The following EVC variants were observed in gnomAD, a reference collection of about 807,000 sequenced individuals.
EVC encodes EvC ciliary complex subunit 1.
Under a neutral mutation model 118.9 loss-of-function variants are expected in EVC, and 116 were observed. That is an observed-to-expected ratio of 0.98 (90% CI 0.84 to 1.14). The LOEUF (loss-of-function observed/expected upper bound fraction) is 1.14. EVC is among the 50% of genes most tolerant of loss of function. The probability of loss-of-function intolerance (pLI) is 0.00; values close to 1 mark genes in which losing one functional copy is unlikely to be tolerated. For synonymous variants in EVC, 619 were observed against 534.7 expected (o/e 1.16, Z -2.18); for missense variants, 1,401 against 1,246.4 (o/e 1.12, Z -1.87).
rs887260071 is a variant in EVC, at chr4:5,711,265, C to G, written c.-116C>G. The G allele has an allele frequency of 6.0e-6, 4 of 667,396 alleles. No individual in the cohort carries two copies. The highest frequency in any genetic ancestry group is 1.5e-3 in the Middle Eastern group (2 of 1,366). 41.3% of individuals were successfully genotyped at this position (667,396 alleles called of 1,614,324 possible). A position where few individuals can be genotyped will look rare whatever the true frequency, so the allele number is the denominator to read the frequency against. On this transcript the variant is annotated 5_prime_UTR_variant, in exon 1 of 21. Coordinates refer to ENST00000264956, the MANE Select transcript of EVC (RefSeq NM_153717.3). ...CGGGAGACTGCACAGGCCAGAAAGTCTGCGGAGCGGGCCGCGCCCCTGGCC... is the reference window on the plus strand; with the variant it reads ...CGGGAGACTGCACAGGCCAGAAAGTGTGCGGAGCGGGCCGCGCCCCTGGCC...
At chr4:5,775,602 T>A (rs780026984) in intron 11 of EVC, among the ~76,000 whole-genome samples, 3 of 152,206 alleles carry the variant, frequency 2.0e-5, no homozygotes, top group Non-Finnish European at 4.4e-5. Context: ...TCCGTGTGGT[T>A]GTATGTTGTA....
intron 13 of EVC, among the ~76,000 whole-genome samples, chr4:5,796,345 A>G (rs946550094): frequency 6.6e-6 from 1 of 152,046 alleles, no homozygotes; most frequent in Non-Finnish European, 1.5e-5. Context: ...TTATTGGATG[A>G]TGACCACTAA....
At chr4:5,801,821 T>C (rs766316765) in intron 15 of EVC, 129 bp from the exon 16 acceptor site, 68 of 1,031,976 alleles carry the variant, frequency 6.6e-5, no homozygotes, top group Non-Finnish European at 9.5e-5. Flanking sequence ...GCCTGCTTCC[T>C]GACCAATCCA....
chr4:5,753,845 C>G lies in EVC; in HGVS notation c.1376C>G (p.Thr459Arg), dbSNP rs146028983. 2 of 1,614,086 alleles carry G rather than the reference C, an allele frequency of 1.2e-6. No individual in the cohort carries two copies. Among genetic ancestry groups the G allele is most frequent in the South Asian group, 2.2e-5 (2 of 91,070 alleles). ...TCTCTGGCTCACCAGGTGGAGGGAA[C>G]GGCAAAACTCACGCTGGCCCAAGAG... ...TASLAHQVEG[T>R]AKLTLAQEEE... The change falls in exon 10 of 21, where the codon ACG becomes AGG. Residue 459 changes from threonine to arginine, a missense_variant. By Grantham distance (71) the Thr-to-Arg change is moderately conservative. Transcript: ENST00000264956.
chr4:5,761,781 A>G (rs1011753642), intron 11 of EVC, among the ~76,000 whole-genome samples: 6 of 151,838 alleles, frequency 4.0e-5, no homozygotes, highest in Non-Finnish European at 5.9e-5. Context: ...GGGAAGGGGT[A>G]CAATGAGTTG....
At chr4:5,775,293 A>T (rs1038558188) in intron 11 of EVC, among the ~76,000 whole-genome samples, 1 of 152,156 alleles carries the variant, frequency 6.6e-6, no homozygotes, top group Non-Finnish European at 1.5e-5. Context: ...TTACAAATTA[A>T]CAAATGATTA....
the EVC span, among the ~76,000 whole-genome samples, chr4:5,822,753 T>TGTAA: frequency 2.0e-5 from 3 of 152,204 alleles, no homozygotes; most frequent in African/African-American, 4.8e-5. Flanking sequence ...GCAAATAAGC[T>TGTAA]GTAAGTCTGC....
In EVC at chr4:5,741,783, T is replaced by C. The variant is rs750565190; in HGVS notation, c.770T>C (p.Leu257Pro). The change falls in exon 6 of 21, where the codon CTA becomes CCA. Residue 257 changes from leucine to proline, a missense_variant. Physicochemically the swap from Leu to Pro is moderately conservative, Grantham distance 98 (BLOSUM62 -3). Transcript: ENST00000264956. The part of the protein sequence containing the change: ...LLPKKKSDDE[L>P]YQKILSKQEK... ...CCTAAAAAGAAGTCAGATGATGAACTATACCAGAAGATCCTTTCAAAACAA... is the reference window on the plus strand; with the variant it reads ...CCTAAAAAGAAGTCAGATGATGAACCATACCAGAAGATCCTTTCAAAACAA... The C allele has an allele frequency of 6.5e-7, 1 of 1,547,814 alleles. No homozygotes were observed. The highest frequency in any genetic ancestry group is 8.9e-7 in the Non-Finnish European group (1 of 1,121,122).
At position 5,793,615 on chromosome 4, in the gene EVC, T is replaced by G; in HGVS notation, c.1784T>G (p.Met595Arg). 2 of 1,551,942 alleles carry G rather than the reference T, an allele frequency of 1.3e-6. No individual in the cohort carries two copies. The highest frequency in any genetic ancestry group is 1.7e-6 in the Non-Finnish European group (2 of 1,147,170). ...CCTCTGTCCCGAGTTCAGGTGTGGATGGAGGAGTGTGCGCTGTCCAGCGTG... is the reference window on the plus strand; with the variant it reads ...CCTCTGTCCCGAGTTCAGGTGTGGAGGGAGGAGTGTGCGCTGTCCAGCGTG... Reference protein sequence around the residue: ...ELLEQDQQVWMEECALSSVLQ... With the variant: ...ELLEQDQQVWREECALSSVLQ... Residue 595 changes from methionine to arginine, a missense_variant, in exon 13 of 21, where the codon ATG becomes AGG. Transcript: ENST00000264956.
At chr4:5,793,545 A>T (rs1713183675) in intron 12 of EVC, 63 bp from the exon 13 acceptor site, 1 of 1,340,910 alleles carries the variant, frequency 7.5e-7, no homozygotes, top group South Asian at 1.3e-5. Context: ...GCACAATCCT[A>T]GCAAGCAGGA....
At chr4:5,769,253 C>G (rs1229664114) in intron 11 of EVC, among the ~76,000 whole-genome samples, 1 of 152,124 alleles carries the variant, frequency 6.6e-6, no homozygotes, top group Non-Finnish European at 1.5e-5. Flanking sequence ...AGGGGAACTC[C>G]TCTTTATAAA....
chr4:5,751,623 G>A (rs927409874), intron 8 of EVC, among the ~76,000 whole-genome samples: 1 of 152,170 alleles, frequency 6.6e-6, no homozygotes, highest in Non-Finnish European at 1.5e-5. Flanking sequence ...CTGGTCAAGG[G>A]GACGTGGGCG....
At chr4:5,782,536 G>GAAAA (rs71171483) in intron 11 of EVC, among the ~76,000 whole-genome samples, 10 of 45,734 alleles carry the variant, frequency 2.2e-4, no homozygotes, top group Non-Finnish European at 2.6e-4. Flanking sequence ...TGTTTTAAAT[G>GAAAA]AAAAAAAAAA....
intron 1 of EVC, 126 bp downstream of exon 1, chr4:5,711,680 T>C (rs1723051773): frequency 2.4e-6 from 2 of 817,998 alleles, no homozygotes; most frequent in South Asian, 5.8e-5. Flanking sequence ...ACGCAACCGC[T>C]TAGGCGTCGG....
chr4:5,727,470 TA>T (rs1184639048), intron 2 of EVC, among the ~76,000 whole-genome samples: 7 of 152,226 alleles, frequency 4.6e-5, no homozygotes, highest in African/African-American at 1.7e-4. Context: ...TTCTGGATAT[TA>T]GCCCTTTGTC....
chr4:5,760,556 T>C (rs1397989709), intron 11 of EVC, among the ~76,000 whole-genome samples: 1 of 152,110 alleles, frequency 6.6e-6, no homozygotes. Context: ...TTTTTGTTTT[T>C]TGTTTTTTGT....
chr4:5,802,303 A>T (rs1035753414), intron 16 of EVC, among the ~76,000 whole-genome samples: 2 of 152,240 alleles, frequency 1.3e-5, no homozygotes, highest in African/African-American at 4.8e-5. Flanking sequence ...CATCCAGTGC[A>T]GTGGGAGTGT....
intron 16 of EVC, among the ~76,000 whole-genome samples, chr4:5,802,304 G>T (rs1381200086): frequency 6.6e-6 from 1 of 152,256 alleles, no homozygotes; most frequent in Non-Finnish European, 1.5e-5. Flanking sequence ...ATCCAGTGCA[G>T]TGGGAGTGTT....
At chr4:5,802,790 A>C (rs897779335) in intron 16 of EVC, among the ~76,000 whole-genome samples, 1 of 152,192 alleles carries the variant, frequency 6.6e-6, no homozygotes, top group African/African-American at 2.4e-5. Context: ...GCGGCTGTAA[A>C]TACAGATGAA....
Sources: gnomAD v4.1 joint callset for allele counts (sites outside exome capture counted in the v4.1 genomes callset) on GRCh38, gnomAD v4.1.1 for gene constraint, MANE v1.5 for transcripts, NCBI Gene and HGNC (gene_info 2026-07-23, HGNC 2026-07-21) for gene names.